Variants in ERICH6B observed in about 807,000 individuals in gnomAD.
ERICH6B encodes glutamate-rich protein 6B.
In ERICH6B, 69 loss-of-function variants were observed where a neutral mutation model predicts 80.0. The ratio of observed to expected loss-of-function variants is 0.86; its 90% CI spans 0.71 to 1.05. The LOEUF is 1.05. Ranked by LOEUF, ERICH6B falls within the 50% of genes least tolerant of loss-of-function variation. The probability of loss-of-function intolerance (pLI) is 0.00; values close to 1 mark genes in which losing one functional copy is unlikely to be tolerated. For synonymous variants in ERICH6B, 283 were observed against 291.9 expected (o/e 0.97, Z 0.31); for missense variants, 754 against 796.1 (o/e 0.95, Z 0.64).
chr13:45,597,993 AAAAATAT>A (rs1876473510), intron 2 of ERICH6B, among the ~76,000 whole-genome samples: 1 of 152,152 alleles, frequency 6.6e-6, no homozygotes, highest in Admixed American at 6.5e-5. Flanking sequence ...GTGTTCTTAT[AAAAATAT>A]AAATCAAATC....
chr13:45,544,659 C>A, intron 14 of ERICH6B, 101 bp downstream of exon 14: 3 of 1,009,216 alleles, frequency 3.0e-6, no homozygotes, highest in Non-Finnish European at 4.4e-6. Context: ...ATATATAGAA[C>A]AAGCCTGGAG....
rs948833609 is a variant in ERICH6B at position 45,549,263 on chromosome 13, C to A, written c.1646+630G>T. 3.3e-5 allele frequency among the ~76,000 whole-genome samples: 5 copies of A among 150,752 alleles called. No homozygotes were observed. The East Asian group carries it at 9.7e-4, about 29-fold the overall frequency. On this transcript the variant is annotated intron_variant, in intron 13 of 14. Transcript: ENST00000298738. ...GACACCATTGCACTCCAGCTTGGGC[C>A]GCAGAGCAGACTCCGTCACAAAAAA...
intron 11 of ERICH6B, chr13:45,551,449 T>TC (rs1477876854): frequency 6.6e-6 from 1 of 152,182 alleles, no homozygotes; most frequent in Admixed American, 6.5e-5. Context: ...CTTCACATCC[T>TC]CCTCCTCCTT....
chr13:45,601,879 A>G lies in ERICH6B; in HGVS notation c.-58-4816T>C, dbSNP rs142181656. Among the ~76,000 whole-genome samples, 5 of 152,290 alleles carry G rather than the reference A, an allele frequency of 3.3e-5. No individual in the cohort carries two copies. In the East Asian group the frequency reaches 9.6e-4, roughly 29 times the overall value. On this transcript the variant is annotated intron_variant, in intron 2 of 14. Coordinates refer to ENST00000298738, the MANE Select transcript of ERICH6B (RefSeq NM_182542.3). ...TCAGACCATGACCCATTTGAGAACA[A>G]CAGGACCTATCTCCTGGAAGGATGC... is the stretch of plus-strand genomic sequence containing the variant.
chr13:45,587,114 A>G lies in ERICH6B; in HGVS notation c.805T>C (p.Tyr269His). 1 of 1,551,690 alleles carries G rather than the reference A, an allele frequency of 6.4e-7. No homozygotes were observed. Among genetic ancestry groups the G allele is most frequent in the Non-Finnish European group, 8.7e-7 (1 of 1,146,984 alleles). Reference protein sequence around the residue: ...TESSELLLTLYRRSQASQTDW... With the variant: ...TESSELLLTLHRRSQASQTDW... ...GTCTGACTGGCCTGGCTCCTCCTGT[A>G]CAATGTCAGAAGCAACTCAGAAGAC... The change falls in exon 5 of 15, where the codon TAC becomes CAC. Residue 269 changes from tyrosine (Y) to histidine (H), a missense_variant. By Grantham distance (83) the Tyr-to-His change is moderately conservative. Coordinates refer to ENST00000298738, the MANE Select transcript of ERICH6B (RefSeq NM_182542.3).
intron 2 of ERICH6B, among the ~76,000 whole-genome samples, chr13:45,597,414 C>T (rs910567686): frequency 6.6e-6 from 1 of 152,220 alleles, no homozygotes; most frequent in African/African-American, 2.4e-5. Context: ...CAGAGACTGT[C>T]TTCCAGGAGC....
Position 45,545,400 on chromosome 13 carries a change from C to T in ERICH6B, c.1647-415G>A, listed in dbSNP as rs57925618. The stretch of plus-strand genomic sequence containing the variant: ...CTCTGTTGCCATGCCTTGTTGGTTT[C>T]CTTCATATAATTTACGAATAGATAT... On this transcript the variant is annotated intron_variant, in intron 13 of 14. Transcript: ENST00000298738. Among the ~76,000 whole-genome samples, 494 of 152,276 alleles carry T rather than the reference C, an allele frequency of 3.2e-3. 5 individuals are homozygous for T. Among genetic ancestry groups the T allele is most frequent in the African/African-American group, 0.012 (483 of 41,532 alleles).
Position 45,596,475 on chromosome 13 carries a change from T to C in ERICH6B, c.531A>G (p.Glu177=). ...EEYLGKKSYL[E]EEKALEKEEN... is the part of the protein sequence containing the mutation. ...CTTCCTTCTCCAGAGCCTTTTCCTC[T>C]TCTAGATATGATTTCTTCCCCAGAT... The change falls in exon 3 of 15, where the codon GAA becomes GAG. Residue 177 remains glutamate (E), a synonymous_variant. Coordinates refer to ENST00000298738, the MANE Select transcript of ERICH6B (RefSeq NM_182542.3). 6.4e-7 allele frequency: 1 copy of C among 1,551,538 alleles called. No individual in the cohort carries two copies. Among genetic ancestry groups the C allele is most frequent in the Non-Finnish European group, 8.7e-7 (1 of 1,146,570 alleles).
intron 4 of ERICH6B, among the ~76,000 whole-genome samples, chr13:45,588,224 A>G (rs1876003387): frequency 6.6e-6 from 1 of 152,164 alleles, no homozygotes; most frequent in African/African-American, 2.4e-5. Flanking sequence ...TTTTTCTCAC[A>G]GGTGGGTGCC....
intron 12 of ERICH6B, 23 bp from the exon 13 acceptor site, chr13:45,550,068 G>A (rs900752887): frequency 2.6e-6 from 4 of 1,550,864 alleles, no homozygotes; most frequent in Non-Finnish European, 3.5e-6. Context: ...TAAGGCACAA[G>A]TAGTCAGTCC....
intron 5 of ERICH6B, among the ~76,000 whole-genome samples, chr13:45,586,738 G>A (rs1418379649): frequency 2.0e-5 from 3 of 152,154 alleles, no homozygotes. Context: ...GAGGGAAATT[G>A]TGCCTGTGTT....
chr13:45,578,129 A>G (rs1875498435), intron 7 of ERICH6B, among the ~76,000 whole-genome samples: 1 of 152,162 alleles, frequency 6.6e-6, no homozygotes. Flanking sequence ...GCTACCCTCA[A>G]TATCTGATCT....
chr13:45,594,511 A>G (rs1465873801), intron 3 of ERICH6B, among the ~76,000 whole-genome samples: 1 of 152,228 alleles, frequency 6.6e-6, no homozygotes, highest in Non-Finnish European at 1.5e-5. Flanking sequence ...TGATACTTGA[A>G]CAGCAGGGAT....
At chr13:45,566,215 G>C (rs180986359) in intron 9 of ERICH6B, among the ~76,000 whole-genome samples, 58 of 152,338 alleles carry the variant, frequency 3.8e-4, no homozygotes, top group Admixed American at 2.9e-3. Flanking sequence ...AAGGCATTCA[G>C]TTTACTAAGG....
At chr13:45,555,058 A>G (rs1167437349) in intron 11 of ERICH6B, among the ~76,000 whole-genome samples, 2 of 152,024 alleles carry the variant, frequency 1.3e-5, no homozygotes, top group South Asian at 4.1e-4. Context: ...GGCTGCAGGG[A>G]GGACATTTTA....
At chr13:45,611,612 T>C (rs978602131) in intron 1 of ERICH6B, among the ~76,000 whole-genome samples, 2 of 152,020 alleles carry the variant, frequency 1.3e-5, no homozygotes, top group Non-Finnish European at 2.9e-5. Flanking sequence ...CTTAGAGTCA[T>C]AGGATTAGGG....
intron 11 of ERICH6B, chr13:45,552,902 T>G (rs1449232775): frequency 4.9e-6 from 1 of 203,610 alleles, no homozygotes; most frequent in Non-Finnish European, 1.1e-5. Flanking sequence ...TGGTTGGCCA[T>G]GGAGTCCTGT....
Position 45,568,428 on chromosome 13 carries a change from T to C in ERICH6B, c.1074A>G (p.Thr358=), listed in dbSNP as rs1221187960. ...DENFLNSSYQ[T]VFKTIIKEMA... ...TTTCTTTGATTATTGTTTTAAATAC[T>C]GTCTGATAGGAGCTGTTCAAAAACT... Residue 358 remains threonine (T), a synonymous_variant, in exon 9 of 15, where the codon ACA becomes ACG. Coordinates refer to ENST00000298738, the MANE Select transcript of ERICH6B (RefSeq NM_182542.3). 1 of 1,546,664 alleles carries C rather than the reference T, an allele frequency of 6.5e-7. No homozygotes were observed. The highest frequency in any genetic ancestry group is 2.0e-5 in the Admixed American group (1 of 50,078).
chr13:45,571,997 A>G (rs533734174), intron 8 of ERICH6B, among the ~76,000 whole-genome samples: 1 of 152,366 alleles, frequency 6.6e-6, no homozygotes, highest in South Asian at 2.1e-4. Context: ...AAGCCACTCA[A>G]AGGTGGCACT....
Sources: allele counts gnomAD v4.1 joint callset (sites outside exome capture counted in the v4.1 genomes callset), GRCh38; gene constraint gnomAD v4.1.1; transcripts MANE v1.5; gene names NCBI Gene and HGNC (gene_info 2026-07-23, HGNC 2026-07-21).